The following SDR42E1 variants were observed in gnomAD, a reference collection of about 807,000 sequenced individuals.
The protein encoded by SDR42E1 is short-chain dehydrogenase/reductase family 42E member 1.
Under a neutral mutation model 2.6 loss-of-function variants are expected in SDR42E1, and 5 were observed. That is an observed-to-expected ratio of 1.94 (90% confidence interval 1.01 to 4.08). SDR42E1 has a LOEUF of 4.08. Ranked by LOEUF, SDR42E1 falls within the 30% of genes most tolerant of loss-of-function variation. The probability of loss-of-function intolerance (pLI) is 0.00; values close to 1 mark genes in which losing one functional copy is unlikely to be tolerated. For synonymous variants in SDR42E1, 231 were observed against 188.3 expected (o/e 1.23, Z -1.86); for missense variants, 596 against 478.6 (o/e 1.25, Z -2.29).
intron 1 of SDR42E1, 75 bp from the exon 2 acceptor site, chr16:82,000,959 A>C: frequency 2.0e-6 from 2 of 1,011,520 alleles, no homozygotes; most frequent in Non-Finnish European, 3.0e-6. Flanking sequence ...ACCTAACAAA[A>C]ACAAAAAGTC....
In SDR42E1 at chr16:81,993,764, G is replaced by T; in HGVS notation, c.*5347C>A. On this transcript the variant is annotated 3_prime_UTR_variant, in exon 3 of 3. Coordinates refer to ENST00000328945, the MANE Select transcript of SDR42E1 (RefSeq NM_145168.3). ...GTTCCTGCTCTCATGGGGCGTTTAT[G>T]TTCTGGGGAGCAAATCACTTCATCA... The T allele has an allele frequency of 6.6e-6, 1 of 152,180 alleles. No individual in the cohort carries two copies. Among genetic ancestry groups the T allele is most frequent in the East Asian group, 1.9e-4 (1 of 5,202 alleles). The allele number at this position is 152,180 out of a possible 1,614,324, so 9.4% of individuals were successfully genotyped here. A position where few individuals can be genotyped will look rare whatever the true frequency, so the allele number is the denominator to read the frequency against.
rs1261706769 is a variant in SDR42E1, at chr16:81,997,182, A to C, written c.*1929T>G. The C allele has an allele frequency of 3.3e-5, 5 of 152,208 alleles. No individual in the cohort carries two copies. The highest frequency in any genetic ancestry group is 4.8e-5 in the African/African-American group (2 of 41,440). 9.4% of individuals were successfully genotyped at this position (152,208 alleles called of 1,614,324 possible). A position where few individuals can be genotyped will look rare whatever the true frequency, so the allele number is the denominator to read the frequency against. On this transcript the variant is annotated 3_prime_UTR_variant, in exon 3 of 3. Transcript: ENST00000328945. ...TGCCAGCTTGAATGGAAAGGGATATAGTGCAAAATGTTAACACAGCCGTTG... is the reference window on the plus strand; with the variant it reads ...TGCCAGCTTGAATGGAAAGGGATATCGTGCAAAATGTTAACACAGCCGTTG...
In SDR42E1 at chr16:81,992,804, C is replaced by G. The variant is rs924721311; in HGVS notation, c.*6307G>C. On this transcript the variant is annotated 3_prime_UTR_variant, in exon 3 of 3. Transcript: ENST00000328945. Reference sequence around the variant, plus strand: ...GTCATAATTACTTGAGTTCAATGAACTCAAGTAATTATGAACGCAACTTGA... The same window carrying G: ...GTCATAATTACTTGAGTTCAATGAAGTCAAGTAATTATGAACGCAACTTGA... 3 of 151,954 alleles carry G rather than the reference C, an allele frequency of 2.0e-5. No individual in the cohort carries two copies. The highest frequency in any genetic ancestry group is 7.3e-5 in the African/African-American group (3 of 41,366). The allele number at this position is 151,954 out of a possible 1,614,324, so 9.4% of individuals were successfully genotyped here.
rs562184594 is a variant in SDR42E1, at chr16:81,992,825, C to G, written c.*6286G>C. ...TGAACTCAAGTAATTATGAACGCAA[C>G]TTGAGTTCAATGAGTTCCTGGTGTG... On this transcript the variant is annotated 3_prime_UTR_variant, in exon 3 of 3. Transcript: ENST00000328945. 6.6e-6 allele frequency: 1 copy of G among 152,138 alleles called. No individual in the cohort carries two copies. Among genetic ancestry groups the G allele is most frequent in the African/African-American group, 2.4e-5 (1 of 41,522 alleles). The allele number at this position is 152,138 out of a possible 1,614,324, so 9.4% of individuals were successfully genotyped here.
Position 81,998,840 on chromosome 16 carries a change from T to C in SDR42E1, c.*271A>G. The C allele has an allele frequency of 2.3e-6, 1 of 432,222 alleles. No homozygotes were observed. Among genetic ancestry groups the C allele is most frequent in the Non-Finnish European group, 4.1e-6 (1 of 244,898 alleles). 26.8% of individuals were successfully genotyped at this position (432,222 alleles called of 1,614,324 possible). A position where few individuals can be genotyped will look rare whatever the true frequency, so the allele number is the denominator to read the frequency against. ...CATCTCCAACTCAACTAAGCCTACT[T>C]CTATGGCTCCAAACTGACTTCTATT... On this transcript the variant is annotated 3_prime_UTR_variant, in exon 3 of 3. Transcript: ENST00000328945.
Position 81,989,808 on chromosome 16 carries a change from G to C in SDR42E1, c.*9303C>G, listed in dbSNP as rs1233860009. 1 of 152,158 alleles carries C rather than the reference G, an allele frequency of 6.6e-6. No individual in the cohort carries two copies. The highest frequency in any genetic ancestry group is 1.9e-4 in the East Asian group (1 of 5,180). 9.4% of individuals were successfully genotyped at this position (152,158 alleles called of 1,614,324 possible). On this transcript the variant is annotated 3_prime_UTR_variant, in exon 3 of 3. Transcript: ENST00000328945. ...AGCTCAGGAGTTCGATACCATCACG[G>C]CTGACATGGTGAAACCCCATCTCTA...
At chr16:82,009,239 CGTCCCCACTGGG>C in intron 1 of SDR42E1, among the ~76,000 whole-genome samples, 1 of 152,214 alleles carries the variant, frequency 6.6e-6, no homozygotes, top group Non-Finnish European at 1.5e-5. Context: ...CACCCCACAG[CGTCCCCACTGGG>C]ACACTGCCTA....
Position 82,000,793 on chromosome 16 carries a change from A to C in SDR42E1, c.66T>G (p.Phe22Leu). 6.2e-7 allele frequency: 1 copy of C among 1,612,932 alleles called. No homozygotes were observed. Among genetic ancestry groups the C allele is most frequent in the South Asian group, 1.1e-5 (1 of 90,982 alleles). ...GTATATTTTATAGATACACTTACCG[A>C]AAACCAAAATAGCCACTTCCTCCTG... ...LITGGSGYFG[F>L]RLGCALNQNG... The change falls in exon 2 of 3, where the codon TTT becomes TTG. Residue 22 changes from phenylalanine (F) to leucine (L), a missense_variant and splice_region_variant. By Grantham distance (22) the Phe-to-Leu change is conservative. Transcript: ENST00000328945.
At position 81,993,457 on chromosome 16, in the gene SDR42E1, C is replaced by T. The variant is rs1912472973; in HGVS notation, c.*5654G>A. 6.6e-6 allele frequency: 1 copy of T among 152,136 alleles called. No homozygotes were observed. Among genetic ancestry groups the T allele is most frequent in the African/African-American group, 2.4e-5 (1 of 41,402 alleles). The allele number at this position is 152,136 out of a possible 1,614,324, so 9.4% of individuals were successfully genotyped here. On this transcript the variant is annotated 3_prime_UTR_variant, in exon 3 of 3. Coordinates refer to ENST00000328945, the MANE Select transcript of SDR42E1 (RefSeq NM_145168.3). ...TGAAATCATTGGTTCTGATCATTCCCCTGCCCCCGTGCTTTTCTGGTTGTT... is the reference window on the plus strand; with the variant it reads ...TGAAATCATTGGTTCTGATCATTCCTCTGCCCCCGTGCTTTTCTGGTTGTT...
Position 81,989,984 on chromosome 16 carries a change from C to G in SDR42E1, c.*9127G>C, listed in dbSNP as rs1912391402. 6.6e-6 allele frequency: 1 copy of G among 152,324 alleles called. No individual in the cohort carries two copies. Among genetic ancestry groups the G allele is most frequent in the Non-Finnish European group, 1.5e-5 (1 of 68,232 alleles). 9.4% of individuals were successfully genotyped at this position (152,324 alleles called of 1,614,324 possible). ...CTGCACTCCAGCCTGGGCCACAAGA[C>G]CAAAACTCCGTCTGAAACAGACAAA... On this transcript the variant is annotated 3_prime_UTR_variant, in exon 3 of 3. Coordinates refer to ENST00000328945, the MANE Select transcript of SDR42E1 (RefSeq NM_145168.3).
chr16:81,999,566 T>C lies in SDR42E1; in HGVS notation c.727A>G (p.Lys243Glu). 3 of 1,614,126 alleles carry C rather than the reference T, an allele frequency of 1.9e-6. No homozygotes were observed. The highest frequency in any genetic ancestry group is 1.1e-5 in the South Asian group (1 of 91,078). ...ILASEALRAD[K>E]GHIASGQPYF... ...GGCTGCCCAGAGGCAATATGGCCCT[T>C]GTCAGCTCTCAGGGCTTCTGAGGCC... The change falls in exon 3 of 3, where the codon AAG becomes GAG. Residue 243 changes from lysine to glutamate, a missense_variant. Lys to Glu is a moderately conservative substitution (Grantham distance 56, BLOSUM62 1). Coordinates refer to ENST00000328945, the MANE Select transcript of SDR42E1 (RefSeq NM_145168.3).
At chr16:82,005,163 C>G (rs933166951) in intron 1 of SDR42E1, among the ~76,000 whole-genome samples, 3 of 152,180 alleles carry the variant, frequency 2.0e-5, no homozygotes, top group Non-Finnish European at 4.4e-5. Context: ...AGTCCAGTCA[C>G]AAGACCATAG....
At chr16:82,006,439 T>C (rs1050792675) in intron 1 of SDR42E1, among the ~76,000 whole-genome samples, 18 of 152,126 alleles carry the variant, frequency 1.2e-4, no homozygotes, top group Non-Finnish European at 2.5e-4. Context: ...TAAAAATAAA[T>C]ATGCAGTTAG....
chr16:82,003,582 G>A (rs565579292), intron 1 of SDR42E1, among the ~76,000 whole-genome samples: 14 of 152,142 alleles, frequency 9.2e-5, no homozygotes, highest in African/African-American at 3.4e-4. Context: ...TCTCACTTCA[G>A]TGTGACACAT....
chr16:82,006,697 G>C (rs919100369), intron 1 of SDR42E1, among the ~76,000 whole-genome samples: 1 of 152,190 alleles, frequency 6.6e-6, no homozygotes, highest in African/African-American at 2.4e-5. Flanking sequence ...AGAAGGTTGA[G>C]GCAGGAGAAT....
In SDR42E1 at chr16:81,990,539, G is replaced by A. The variant is rs560842527; in HGVS notation, c.*8572C>T. On this transcript the variant is annotated 3_prime_UTR_variant, in exon 3 of 3. Coordinates refer to ENST00000328945, the MANE Select transcript of SDR42E1 (RefSeq NM_145168.3). ...CCTCCAAACCCTTCCATCTTTCCCA[G>A]CAGAAACACTATTAATTAAGGATCC... 5 of 152,112 alleles carry A rather than the reference G, an allele frequency of 3.3e-5. No individual in the cohort carries two copies. In the East Asian group the frequency reaches 9.6e-4, roughly 29 times the overall value. 9.4% of individuals were successfully genotyped at this position (152,112 alleles called of 1,614,324 possible).
Position 81,990,986 on chromosome 16 carries a change from G to GT in SDR42E1, c.*8124dup, listed in dbSNP as rs1355105439. On this transcript the variant is annotated 3_prime_UTR_variant, in exon 3 of 3. Coordinates refer to ENST00000328945, the MANE Select transcript of SDR42E1 (RefSeq NM_145168.3). ...GTCTGTGCTCCACGCCCAGAATAGT[G>GT]TAAGACTGCAGGGGAGGCAAAGAGC... 1.3e-5 allele frequency: 2 copies of GT among 152,224 alleles called. No individual in the cohort carries two copies. Among genetic ancestry groups the GT allele is most frequent in the Non-Finnish European group, 2.9e-5 (2 of 68,050 alleles). The allele number at this position is 152,224 out of a possible 1,614,324, so 9.4% of individuals were successfully genotyped here. A position where few individuals can be genotyped will look rare whatever the true frequency, so the allele number is the denominator to read the frequency against.
Position 81,998,813 on chromosome 16 carries a change from G to C in SDR42E1, c.*298C>G, listed in dbSNP as rs2143842516. ...CTTGCCCTCTCAGAAATTCAAGATGGGCATCTCCAACTCAACTAAGCCTAC... is the reference window on the plus strand; with the variant it reads ...CTTGCCCTCTCAGAAATTCAAGATGCGCATCTCCAACTCAACTAAGCCTAC... On this transcript the variant is annotated 3_prime_UTR_variant, in exon 3 of 3. Transcript: ENST00000328945. 2.8e-6 allele frequency: 1 copy of C among 352,814 alleles called. No individual in the cohort carries two copies. Among genetic ancestry groups the C allele is most frequent in the East Asian group, 5.6e-5 (1 of 17,870 alleles). The allele number at this position is 352,814 out of a possible 1,614,324, so 21.9% of individuals were successfully genotyped here.
At chr16:82,000,353 T>C in intron 2 of SDR42E1, 129 bp from the exon 3 acceptor site, 1 of 1,126,448 alleles carries the variant, frequency 8.9e-7, no homozygotes, top group East Asian at 2.4e-5. Flanking sequence ...AGCCCCTCAC[T>C]ATGCATGTTC....
Sources: allele counts gnomAD v4.1 joint callset (sites outside exome capture counted in the v4.1 genomes callset), GRCh38; gene constraint gnomAD v4.1.1; transcripts MANE v1.5; gene names NCBI Gene and HGNC (gene_info 2026-07-23, HGNC 2026-07-21).